Variants in HELLS observed in about 807,000 individuals in gnomAD.
HELLS encodes lymphoid-specific helicase.
Under a neutral mutation model 120.0 loss-of-function variants are expected in HELLS, and 32 were observed. The ratio of observed to expected loss-of-function variants is 0.27; its 90% CI spans 0.20 to 0.36. The LOEUF (loss-of-function observed/expected upper bound fraction) is 0.36. Among genes scored for constraint, HELLS ranks in the 10% least tolerant of loss-of-function variants. The pLI is 1.00. For missense variants in HELLS, 650 were observed against 993.4 expected, an observed-to-expected ratio of 0.65 and a Z score of 4.65; for synonymous variants, 341 against 323.4, an observed-to-expected ratio of 1.05 and a Z score of -0.58.
At chr10:94,576,633 C>T in intron 9 of HELLS, 29 bp from the exon 10 acceptor site, 1 of 1,328,368 alleles carries the variant, frequency 7.5e-7, no homozygotes, top group Non-Finnish European at 1.0e-6. Context: ...GTTCTTAAGT[C>T]TGATAAAAAT....
rs530169985 is a variant in HELLS at position 94,555,842 on chromosome 10, G to T, written c.276+1594G>T. The stretch of plus-strand genomic sequence containing the variant: ...CAGTTTTGCCATGTTGCCGAGGCTT[G>T]TCTGGAACTCCTGGGCTCAAGTGAT... On this transcript the variant is annotated intron_variant, in intron 3 of 21. Coordinates refer to ENST00000348459, the MANE Select transcript of HELLS (RefSeq NM_018063.5). Among the ~76,000 whole-genome samples the T allele has an allele frequency of 5.3e-5, 8 of 152,256 alleles. No individual in the cohort carries two copies. The South Asian group carries it at 1.7e-3, about 32-fold the overall frequency.
At chr10:94,566,886 C>G (rs7907335) in intron 6 of HELLS, among the ~76,000 whole-genome samples, 5,175 of 152,058 alleles carry the variant, frequency 0.034, 257 homozygotes, top group African/African-American at 0.11. Context: ...AACTCCTGAC[C>G]CGAAGTGATC....
At chr10:94,553,775 C>T (rs946386976) in intron 2 of HELLS, among the ~76,000 whole-genome samples, 8 of 149,584 alleles carry the variant, frequency 5.3e-5, no homozygotes, top group East Asian at 2.0e-4. Flanking sequence ...CTCGAACCCC[C>T]GACCTCAGGT....
At chr10:94,567,463 A>T (rs1258045381) in intron 6 of HELLS, among the ~76,000 whole-genome samples, 4 of 151,890 alleles carry the variant, frequency 2.6e-5, no homozygotes, top group Non-Finnish European at 5.9e-5. Flanking sequence ...CACGCCTGGC[A>T]AATTTTGTAT....
At chr10:94,603,858 C>T (rs953345933), downstream of HELLS, among the ~76,000 whole-genome samples, 9 of 151,532 alleles carry the variant, frequency 5.9e-5, no homozygotes, top group Non-Finnish European at 2.9e-5. Context: ...TTTTGAGTCT[C>T]GCACTGTCGC....
At chr10:94,611,961 T>G (rs557331263) in exon 10 of HELLS, 3 of 152,116 alleles carry the variant, frequency 2.0e-5, no homozygotes, top group African/African-American at 7.2e-5. Flanking sequence ...CCTTTATGGG[T>G]CTCTTGCCTA....
At chr10:94,557,654 C>T (rs891203388) in intron 3 of HELLS, among the ~76,000 whole-genome samples, 3 of 152,206 alleles carry the variant, frequency 2.0e-5, no homozygotes, top group Admixed American at 6.5e-5. Flanking sequence ...TTACCATGCA[C>T]TTACCAGTAC....
intron 2 of HELLS, among the ~76,000 whole-genome samples, chr10:94,552,485 A>C (rs1017240460): frequency 6.6e-6 from 1 of 152,138 alleles, no homozygotes; most frequent in African/African-American, 2.4e-5. Context: ...AATTCTTACA[A>C]TTTTTCAGGA....
At chr10:94,590,579 A>G (rs1412485428) in intron 14 of HELLS, 27 bp downstream of exon 14, 3 of 1,610,906 alleles carry the variant, frequency 1.9e-6, no homozygotes, top group Non-Finnish European at 2.5e-6. Context: ...GAATTTAAGT[A>G]TTCTTTAAAC....
chr10:94,573,991 T>A lies in HELLS; in HGVS notation c.509T>A (p.Val170Glu). ...AACTCCTCCTCTACTAATCTCTGTGTGGAAGATCTTCAGAAAAATAAAGAT... is the reference window on the plus strand; with the variant it reads ...AACTCCTCCTCTACTAATCTCTGTGAGGAAGATCTTCAGAAAAATAAAGAT... ...DENSSSTNLC[V>E]EDLQKNKDSN... Residue 170 changes from valine (V) to glutamate (E), a missense_variant, in exon 8 of 22, where the codon GTG becomes GAG. Transcript: ENST00000348459. 1.9e-6 allele frequency: 3 copies of A among 1,609,982 alleles called. No individual in the cohort carries two copies. The highest frequency in any genetic ancestry group is 2.6e-6 in the Non-Finnish European group (3 of 1,176,320).
At chr10:94,581,659 T>G in intron 11 of HELLS, 137 bp downstream of exon 11, 1 of 532,346 alleles carries the variant, frequency 1.9e-6, no homozygotes, top group Non-Finnish European at 3.2e-6. Flanking sequence ...GTTCTACTCC[T>G]GCCACAAATT....
chr10:94,581,311 C>T lies in HELLS; in HGVS notation c.1033-15C>T, dbSNP rs770251224. The stretch of plus-strand genomic sequence containing the variant: ...ATCATTGTTTAAAAATCTTTTTCCT[C>T]AATTCGTTTTCTAGCATTGCTATTG... On this transcript the variant is annotated splice_polypyrimidine_tract_variant and intron_variant, in intron 10 of 21. Transcript: ENST00000348459. 6 of 1,469,976 alleles carry T rather than the reference C, an allele frequency of 4.1e-6. No homozygotes were observed. In the East Asian group the frequency reaches 1.2e-4, roughly 29 times the overall value. The allele number at this position is 1,469,976 out of a possible 1,614,324, so 91.1% of individuals were successfully genotyped here. A position where few individuals can be genotyped will look rare whatever the true frequency, so the allele number is the denominator to read the frequency against.
At chr10:94,585,081 T>G (rs550695928) in intron 12 of HELLS, among the ~76,000 whole-genome samples, 2 of 152,180 alleles carry the variant, frequency 1.3e-5, no homozygotes, top group South Asian at 4.1e-4. Flanking sequence ...ATGCAATGTT[T>G]ACATAAACCT....
At chr10:94,600,586 TAATC>T (rs755942499) in intron 21 of HELLS, among the ~76,000 whole-genome samples, 3 of 152,188 alleles carry the variant, frequency 2.0e-5, no homozygotes, top group Admixed American at 6.5e-5. Flanking sequence ...AAATTCCTAT[TAATC>T]AATAGATGAT....
chr10:94,554,574 A>G (rs962128765), intron 3 of HELLS, among the ~76,000 whole-genome samples: 1 of 152,096 alleles, frequency 6.6e-6, no homozygotes, highest in Non-Finnish European at 1.5e-5. Flanking sequence ...CTAGTGAGTA[A>G]ATAGTTGGTC....
chr10:94,610,324 G>A (rs1164645239), exon 10 of HELLS: 1 of 152,082 alleles, frequency 6.6e-6, no homozygotes, highest in Non-Finnish European at 1.5e-5. Flanking sequence ...GCCGGGCGCA[G>A]TGGTGCCTGT....
At chr10:94,568,845 CTT>C (rs35081827) in intron 6 of HELLS, among the ~76,000 whole-genome samples, 1 of 146,958 alleles carries the variant, frequency 6.8e-6, no homozygotes, top group African/African-American at 2.5e-5. Flanking sequence ...ACCTTTATCA[CTT>C]TTTTTTTTTT....
chr10:94,576,327 T>C (rs543722901), intron 9 of HELLS, among the ~76,000 whole-genome samples: 2 of 152,288 alleles, frequency 1.3e-5, no homozygotes, highest in South Asian at 2.1e-4. Context: ...AATTTTTGTA[T>C]TTTTTGTAGA....
At chr10:94,570,047 T>A (rs1294551998) in intron 6 of HELLS, 2 of 151,838 alleles carry the variant, frequency 1.3e-5, no homozygotes, top group African/African-American at 4.8e-5. Flanking sequence ...TTTTTTATTT[T>A]TATTTTTTTT....
Sources: allele counts gnomAD v4.1 joint callset (sites outside exome capture counted in the v4.1 genomes callset), GRCh38; gene constraint gnomAD v4.1.1; transcripts MANE v1.5; gene names NCBI Gene and HGNC (gene_info 2026-07-23, HGNC 2026-07-21).